The following SLC3A1 variants were observed in gnomAD, a reference collection of about 807,000 sequenced individuals.
SLC3A1 encodes solute carrier family 3 member 1.
A neutral mutation model predicts 60.3 loss-of-function variants in SLC3A1; 78 were observed. The observed-to-expected ratio is 1.29, with a 90% CI of 1.08 to 1.56. The LOEUF (loss-of-function observed/expected upper bound fraction) is 1.56. SLC3A1 is among the 40% of genes most tolerant of loss of function. The probability of loss-of-function intolerance (pLI) is 0.00; values close to 1 mark genes in which losing one functional copy is unlikely to be tolerated. For synonymous variants in SLC3A1, 392 were observed against 307.9 expected, an observed-to-expected ratio of 1.27 and a Z score of -2.86; for missense variants, 1,172 against 858.9, an observed-to-expected ratio of 1.36 and a Z score of -4.56.
intron 3 of SLC3A1, among the ~76,000 whole-genome samples, chr2:44,283,852 T>C (rs1171796600): frequency 6.8e-6 from 1 of 146,306 alleles, no homozygotes; most frequent in African/African-American, 2.8e-5. Flanking sequence ...ATGAAAAGTG[T>C]CATGCTAGGT....
chr2:44,321,937 T>A, downstream of SLC3A1: 1 of 1,583,532 alleles, frequency 6.3e-7, no homozygotes, highest in Non-Finnish European at 8.6e-7. Flanking sequence ...TAGAAGATTG[T>A]ATGGGATCTT....
At chr2:44,303,991 CTTGA>C (rs1185052897) in intron 6 of SLC3A1, 148 bp from the exon 7 acceptor site, 5 of 719,588 alleles carry the variant, frequency 6.9e-6, no homozygotes, top group South Asian at 1.5e-5. Flanking sequence ...TTGGTGACAG[CTTGA>C]TTATGCTTTC....
downstream of SLC3A1, chr2:44,321,923 CA>C (rs749180329): frequency 1.2e-6 from 2 of 1,602,970 alleles, no homozygotes; most frequent in Non-Finnish European, 1.7e-6. Flanking sequence ...ACATGTAGAA[CA>C]ATTAGAAGAT....
At chr2:44,299,746 C>A (rs1671955083) in intron 4 of SLC3A1, among the ~76,000 whole-genome samples, 1 of 152,116 alleles carries the variant, frequency 6.6e-6, no homozygotes, top group Non-Finnish European at 1.5e-5. Flanking sequence ...AATTGTAATT[C>A]TGAATTCACA....
intron 3 of SLC3A1, among the ~76,000 whole-genome samples, chr2:44,283,597 C>T (rs1184971725): frequency 6.6e-6 from 1 of 152,148 alleles, no homozygotes; most frequent in Non-Finnish European, 1.5e-5. Flanking sequence ...TGCTGCCATA[C>T]TCAAACTATA....
Position 44,275,705 on chromosome 2 carries a change from C to T in SLC3A1, c.170C>T (p.Pro57Leu), listed in dbSNP as rs1006185366. ...STRGILGSQE[P>L]DFKGVQPYAG... ...AGGGGCATCCTTGGCTCCCAGGAGC[C>T]CGACTTCAAGGGCGTCCAGCCCTAT... Residue 57 changes from proline to leucine, a missense_variant, in exon 1 of 10, where the codon CCC (proline) becomes CTC (leucine). Physicochemically the swap from Pro to Leu is moderately conservative, Grantham distance 98. Coordinates refer to ENST00000260649, the MANE Select transcript of SLC3A1 (RefSeq NM_000341.4). 1.9e-6 allele frequency: 3 copies of T among 1,614,172 alleles called. No individual in the cohort carries two copies. Among genetic ancestry groups the T allele is most frequent in the Non-Finnish European group, 2.5e-6 (3 of 1,179,994 alleles).
At chr2:44,319,018 A>C (rs1351419911) in intron 9 of SLC3A1, 1 of 152,238 alleles carries the variant, frequency 6.6e-6, no homozygotes, top group African/African-American at 2.4e-5. Flanking sequence ...GGCACTTCTT[A>C]TGTGAGTGGC....
chr2:44,308,610 T>C (rs570486222), intron 7 of SLC3A1, among the ~76,000 whole-genome samples: 7 of 152,360 alleles, frequency 4.6e-5, no homozygotes, highest in African/African-American at 1.7e-4. Flanking sequence ...CTTAATTTCA[T>C]TATTGGATTC....
rs1237723253 is a variant in SLC3A1 at position 44,303,263 on chromosome 2, A to T, written c.1137-880A>T. Among the ~76,000 whole-genome samples, 11 of 71,868 alleles carry T rather than the reference A, an allele frequency of 1.5e-4. 1 individual carries two copies. The highest frequency in any genetic ancestry group is 8.1e-4 in the East Asian group (3 of 3,698). The allele number at this position is 71,868 out of a possible 152,430, so 47.1% of individuals were successfully genotyped here. A position where few individuals can be genotyped will look rare whatever the true frequency, so the allele number is the denominator to read the frequency against. ...AGATCCAATTTTTTTTTTTTTTTTT[A>T]AAGACATTCTCACTTTGTTGCCCAG... On this transcript the variant is annotated intron_variant, in intron 6 of 9. Coordinates refer to ENST00000260649, the MANE Select transcript of SLC3A1 (RefSeq NM_000341.4).
intron 4 of SLC3A1, among the ~76,000 whole-genome samples, chr2:44,297,187 A>C (rs1013798418): frequency 9.2e-5 from 14 of 152,170 alleles, no homozygotes; most frequent in African/African-American, 3.4e-4. Flanking sequence ...TGATATATAC[A>C]TTCCTGTGAA....
At chr2:44,303,318 A>C (rs1386538050) in intron 6 of SLC3A1, among the ~76,000 whole-genome samples, 3 of 143,424 alleles carry the variant, frequency 2.1e-5, no homozygotes, top group African/African-American at 7.8e-5. Flanking sequence ...ATCTCATCTC[A>C]CTGCAACCTT....
chr2:44,306,155 T>C (rs530508042), intron 7 of SLC3A1, among the ~76,000 whole-genome samples: 10 of 152,296 alleles, frequency 6.6e-5, no homozygotes, highest in Non-Finnish European at 1.0e-4. Context: ...AGAGTTGCCT[T>C]ACACTAGTCA....
chr2:44,292,714 T>G (rs1671766469), intron 4 of SLC3A1, among the ~76,000 whole-genome samples: 1 of 151,792 alleles, frequency 6.6e-6, no homozygotes, highest in South Asian at 2.1e-4. Context: ...GAGGAAAGCG[T>G]GGATCGTGAC....
chr2:44,276,416 T>A (rs889337507), intron 1 of SLC3A1, among the ~76,000 whole-genome samples: 3 of 152,160 alleles, frequency 2.0e-5, no homozygotes, highest in African/African-American at 4.8e-5. Context: ...AATATTTTTT[T>A]AAAAATCAAG....
At chr2:44,306,363 A>G (rs1672156030) in intron 7 of SLC3A1, among the ~76,000 whole-genome samples, 1 of 152,082 alleles carries the variant, frequency 6.6e-6, no homozygotes, top group African/African-American at 2.4e-5. Flanking sequence ...GCTTATTTCA[A>G]TCTTTTCTGA....
Position 44,280,634 on chromosome 2 carries a change from A to G in SLC3A1, c.431-82A>G, listed in dbSNP as rs1671473438. On this transcript the variant is annotated intron_variant, in intron 1 of 9. Transcript: ENST00000260649. The stretch of plus-strand genomic sequence containing the variant: ...TTTTTGCCTTCATGTAAATATTTCT[A>G]TCTTAGGCATATTTGTTATATTTTT... The G allele has an allele frequency of 1.0e-5, 10 of 964,394 alleles. 1 individual carries two copies. In the South Asian group the frequency reaches 1.5e-4, roughly 14 times the overall value. 59.7% of individuals were successfully genotyped at this position (964,394 alleles called of 1,614,324 possible). A position where few individuals can be genotyped will look rare whatever the true frequency, so the allele number is the denominator to read the frequency against.
intron 7 of SLC3A1, among the ~76,000 whole-genome samples, chr2:44,304,674 G>C (rs747460707): frequency 6.6e-6 from 1 of 152,092 alleles, no homozygotes; most frequent in Admixed American, 6.6e-5. Flanking sequence ...TGTAGAAGAG[G>C]TACACAGCAA....
chr2:44,293,760 C>G (rs1359234871), intron 4 of SLC3A1, among the ~76,000 whole-genome samples: 1 of 152,116 alleles, frequency 6.6e-6, no homozygotes, highest in Non-Finnish European at 1.5e-5. Context: ...TCCAAGGGAG[C>G]CAGGCTAGCA....
intron 4 of SLC3A1, among the ~76,000 whole-genome samples, chr2:44,287,346 C>G (rs1430686267): frequency 6.6e-6 from 1 of 152,112 alleles, no homozygotes; most frequent in Non-Finnish European, 1.5e-5. Flanking sequence ...ATGTGACTAT[C>G]TGGGGGAAGA....
Sources: allele counts gnomAD v4.1 joint callset (sites outside exome capture counted in the v4.1 genomes callset), GRCh38; gene constraint gnomAD v4.1.1; transcripts MANE v1.5; gene names NCBI Gene and HGNC (gene_info 2026-07-23, HGNC 2026-07-21).